CDH18: variants seen among roughly 807,000 people sequenced by gnomAD.
The protein encoded by CDH18 is cadherin-18.
In CDH18, 31 loss-of-function variants were observed where a neutral mutation model predicts 67.9. The observed-to-expected ratio is 0.46, with a 90% CI of 0.34 to 0.62. CDH18 has a LOEUF of 0.62. CDH18 is among the 20% of genes least tolerant of loss of function. The pLI is 0.01. For missense variants in CDH18, 890 were observed against 975.5 expected, an observed-to-expected ratio of 0.91 and a Z score of 1.17; for synonymous variants, 362 against 347.2, an observed-to-expected ratio of 1.04 and a Z score of -0.48.
chr5:20,274,308 T>C (rs1267157636), intron 1 of CDH18, among the ~76,000 whole-genome samples: 1 of 152,094 alleles, frequency 6.6e-6, no homozygotes, highest in Non-Finnish European at 1.5e-5. Flanking sequence ...ACTTAGCAAG[T>C]ATAAAGTACA....
chr5:20,456,172 T>C (rs1391422198), intron 1 of CDH18, among the ~76,000 whole-genome samples: 2 of 152,140 alleles, frequency 1.3e-5, no homozygotes, highest in Non-Finnish European at 2.9e-5. Flanking sequence ...CAAAGCTATG[T>C]ATGTAGACTC....
intron 1 of CDH18, among the ~76,000 whole-genome samples, chr5:20,500,217 A>G (rs1379726255): frequency 6.6e-6 from 1 of 152,112 alleles, no homozygotes; most frequent in African/African-American, 2.4e-5. Context: ...AAACAATTAA[A>G]TTGCTGGTGC....
At chr5:19,499,628 A>G (rs2126734062) in intron 11 of CDH18, among the ~76,000 whole-genome samples, 1 of 151,880 alleles carries the variant, frequency 6.6e-6, no homozygotes, top group Admixed American at 6.6e-5. Flanking sequence ...TTTTTTGTAA[A>G]TATGTTATTA....
intron 2 of CDH18, among the ~76,000 whole-genome samples, chr5:20,059,632 T>A (rs965000866): frequency 6.6e-6 from 1 of 152,222 alleles, no homozygotes; most frequent in Non-Finnish European, 1.5e-5. Context: ...CAAAAGATTA[T>A]AAATCATTCT....
At chr5:19,589,483 C>G (rs1257002784) in intron 7 of CDH18, among the ~76,000 whole-genome samples, 1 of 151,956 alleles carries the variant, frequency 6.6e-6, no homozygotes, top group African/African-American at 2.4e-5. Context: ...GCAGGCAATC[C>G]TCTTCTCACC....
In CDH18 at chr5:19,740,621, T is replaced by C. The variant is rs570951115; in HGVS notation, c.523+6321A>G. Among the ~76,000 whole-genome samples the C allele has an allele frequency of 3.3e-5, 5 of 152,266 alleles. No homozygotes were observed. The East Asian group carries it at 9.6e-4, about 29-fold the overall frequency. On this transcript the variant is annotated intron_variant, in intron 4 of 12. Coordinates refer to ENST00000382275, the MANE Select transcript of CDH18 (RefSeq NM_004934.5). ...TTTGTATTATTGCTAAATTTCTTAG[T>C]GAGTTATGATGTGCTTTTCATGTGA...
intron 2 of CDH18, among the ~76,000 whole-genome samples, chr5:20,172,212 A>ATATATACGTATATATATG (rs1736821656): frequency 5.9e-5 from 3 of 50,724 alleles, no homozygotes; most frequent in African/African-American, 1.7e-4. Flanking sequence ...ATATATATAT[A>ATATATACGTATATATATG]TATATATATA....
At chr5:20,270,813 G>C (rs1745380346) in intron 1 of CDH18, among the ~76,000 whole-genome samples, 2 of 151,966 alleles carry the variant, frequency 1.3e-5, no homozygotes, top group Non-Finnish European at 2.9e-5. Context: ...ATAAAAAAAT[G>C]AGATCATGTC....
rs537441904 is a variant in CDH18, at chr5:20,468,633, C to T, written c.-580+106829G>A. Among the ~76,000 whole-genome samples, 113 of 152,284 alleles carry T rather than the reference C, an allele frequency of 7.4e-4. 1 individual carries two copies. Among genetic ancestry groups the T allele is most frequent in the African/African-American group, 2.6e-3 (110 of 41,564 alleles). On this transcript the variant is annotated intron_variant, in intron 1 of 14. Transcript: ENST00000507958. ...TTCTCCTTTGTAAAGTATTTTCTAG[C>T]AACCTTCATGAACATAATTTAGAGT...
chr5:20,079,814 T>G (rs1257544929), intron 2 of CDH18, among the ~76,000 whole-genome samples: 2 of 152,102 alleles, frequency 1.3e-5, no homozygotes, highest in East Asian at 3.9e-4. Flanking sequence ...AGCTGGGAAG[T>G]CCAAGATTAA....
intron 3 of CDH18, among the ~76,000 whole-genome samples, chr5:19,799,310 G>A (rs1282993374): frequency 6.6e-6 from 1 of 151,962 alleles, no homozygotes; most frequent in Non-Finnish European, 1.5e-5. Context: ...TGGGTATAAA[G>A]TTTTCATTAT....
In CDH18 at chr5:19,813,738, C is replaced by T. The variant is rs183551963; in HGVS notation, c.228+25021G>A. ...TTAAACACATTTGAATTGAGAGTGT[C>T]ATAAACCATTAAAATACACTGAATA... is the stretch of plus-strand genomic sequence containing the variant. On this transcript the variant is annotated intron_variant, in intron 3 of 12. Coordinates refer to ENST00000382275, the MANE Select transcript of CDH18 (RefSeq NM_004934.5). Among the ~76,000 whole-genome samples, 387 of 152,158 alleles carry T rather than the reference C, an allele frequency of 2.5e-3. 3 individuals are homozygous for T. Among genetic ancestry groups the T allele is most frequent in the African/African-American group, 9.0e-3 (372 of 41,534 alleles).
intron 5 of CDH18, among the ~76,000 whole-genome samples, chr5:19,639,137 G>T (rs1285458529): frequency 6.6e-6 from 1 of 151,866 alleles, no homozygotes; most frequent in Non-Finnish European, 1.5e-5. Context: ...CTAGCAGCTG[G>T]GACTACAGGC....
chr5:20,540,851 C>T (rs1581172692), intron 1 of CDH18, among the ~76,000 whole-genome samples: 1 of 152,174 alleles, frequency 6.6e-6, no homozygotes, highest in South Asian at 2.1e-4. Flanking sequence ...GGCTGAAGAC[C>T]TTTGTCAAAT....
intron 1 of CDH18, among the ~76,000 whole-genome samples, chr5:20,359,431 T>G (rs1008452161): frequency 6.6e-6 from 1 of 152,164 alleles, no homozygotes; most frequent in African/African-American, 2.4e-5. Context: ...TTACAGCATG[T>G]TTTGCCTTTG....
At chr5:19,644,563 T>C (rs939940343) in intron 5 of CDH18, among the ~76,000 whole-genome samples, 2 of 152,192 alleles carry the variant, frequency 1.3e-5, no homozygotes, top group Non-Finnish European at 2.9e-5. Flanking sequence ...AGTGGAGCTC[T>C]TTCTGACAAT....
At chr5:20,516,985 A>G (rs994546756) in intron 1 of CDH18, among the ~76,000 whole-genome samples, 2 of 152,122 alleles carry the variant, frequency 1.3e-5, no homozygotes, top group South Asian at 2.1e-4. Context: ...TAGAAATGCA[A>G]TGAAAATCTA....
intron 11 of CDH18, 101 bp from the exon 12 acceptor site, chr5:19,483,653 T>C (rs548925302): frequency 7.8e-7 from 1 of 1,276,636 alleles, no homozygotes; most frequent in South Asian, 1.5e-5. Context: ...TCTTTCTTGT[T>C]TCAGTTTATG....
Position 20,160,877 on chromosome 5 carries a change from G to A in CDH18, c.-518+94567C>T, listed in dbSNP as rs1433627440. Among the ~76,000 whole-genome samples the A allele has an allele frequency of 5.9e-5, 9 of 152,194 alleles. 1 individual carries two copies. The South Asian group carries it at 6.2e-4, about 11-fold the overall frequency. On this transcript the variant is annotated intron_variant, in intron 2 of 14. Transcript: ENST00000507958. ...CAGCACCTGTTTGCCACATTGGTCC[G>A]CCAAGAATGGTGTTCGTATTTTTAA...
Sources: gnomAD v4.1 joint callset for allele counts (sites outside exome capture counted in the v4.1 genomes callset) on GRCh38, gnomAD v4.1.1 for gene constraint, MANE v1.5 for transcripts, NCBI Gene and HGNC (gene_info 2026-07-23, HGNC 2026-07-21) for gene names.